The following SLC7A14 variants were observed in gnomAD, a reference collection of about 807,000 sequenced individuals.
SLC7A14 encodes the protein gamma-aminobutyric acid transporter SLC7A14.
In SLC7A14, 37 loss-of-function variants were observed where a neutral mutation model predicts 60.2. That is an observed-to-expected ratio of 0.61 (90% CI 0.47 to 0.81). SLC7A14 has a LOEUF of 0.81. Among genes scored for constraint, SLC7A14 ranks in the 30% least tolerant of loss-of-function variants. The probability of loss-of-function intolerance (pLI) is 0.00; values close to 1 mark genes in which losing one functional copy is unlikely to be tolerated. For synonymous variants in SLC7A14, 399 were observed against 395.8 expected (o/e 1.01, Z -0.10); for missense variants, 886 against 982.7 (o/e 0.90, Z 1.32).
At chr3:170,478,647 C>A (rs1432736442) in intron 7 of SLC7A14, among the ~76,000 whole-genome samples, 1 of 152,174 alleles carries the variant, frequency 6.6e-6, no homozygotes. Context: ...TCTACCCCCT[C>A]CAAGTTTTTT....
In SLC7A14 at chr3:170,572,231, C is replaced by G. The variant is rs186114192; in HGVS notation, c.-153+13680G>C. On this transcript the variant is annotated intron_variant, in intron 1 of 7. Transcript: ENST00000231706. ...TTGTATAAGATCCATTAGGATTGAT[C>G]AGCTTCTGAGAGAATTTTTAAATTG... Among the ~76,000 whole-genome samples, 620 of 152,260 alleles carry G rather than the reference C, an allele frequency of 4.1e-3. 2 individuals are homozygous for G. Among genetic ancestry groups the G allele is most frequent in the Non-Finnish European group, 7.0e-3 (474 of 68,022 alleles).
chr3:170,483,580 G>T, intron 5 of SLC7A14, 58 bp from the exon 6 acceptor site: 1 of 1,584,948 alleles, frequency 6.3e-7, no homozygotes, highest in Non-Finnish European at 8.7e-7. Flanking sequence ...CATGGATAGA[G>T]GCCCCACGGG....
At chr3:170,487,796 T>C (rs1010448252) in intron 4 of SLC7A14, among the ~76,000 whole-genome samples, 2 of 152,182 alleles carry the variant, frequency 1.3e-5, no homozygotes, top group African/African-American at 2.4e-5. Flanking sequence ...CATCTAAAAA[T>C]TTTGCTGGTA....
chr3:170,470,221 G>C (rs935234231), intron 7 of SLC7A14, among the ~76,000 whole-genome samples: 2 of 151,780 alleles, frequency 1.3e-5, no homozygotes, highest in South Asian at 4.2e-4. Flanking sequence ...CCTCCCCCAG[G>C]CTGGTTTACA....
intron 1 of SLC7A14, among the ~76,000 whole-genome samples, chr3:170,528,725 G>A (rs991473706): frequency 2.0e-5 from 3 of 152,186 alleles, no homozygotes; most frequent in African/African-American, 7.2e-5. Context: ...ACACGCCAGA[G>A]ATATTTAACA....
chr3:170,501,331 C>G lies in SLC7A14; in HGVS notation c.319G>C (p.Glu107Gln), dbSNP rs1367135111. The G allele has an allele frequency of 1.2e-6, 2 of 1,614,208 alleles. No individual in the cohort carries two copies. Among genetic ancestry groups the G allele is most frequent in the Non-Finnish European group, 1.7e-6 (2 of 1,180,026 alleles). Residue 107 changes from glutamate to glutamine, a missense_variant, in exon 3 of 8, where the codon GAG (glutamate) becomes CAG (glutamine). Glu to Gln is a conservative substitution (Grantham distance 29, BLOSUM62 2). Transcript: ENST00000231706. ...ASILSGVCYA[E>Q]FGVRVPKTTG... The stretch of plus-strand genomic sequence containing the variant: ...GTCTTGGGGACTCGAACTCCAAACT[C>G]TGCATAGCAGACGCCTGCAAGGGAC...
chr3:170,489,070 C>G (rs1424494101), intron 4 of SLC7A14, among the ~76,000 whole-genome samples: 1 of 152,130 alleles, frequency 6.6e-6, no homozygotes, highest in Non-Finnish European at 1.5e-5. Flanking sequence ...TGAGCAATAC[C>G]CCACAAGCAC....
chr3:170,500,815 G>T (rs962346563), intron 3 of SLC7A14, among the ~76,000 whole-genome samples: 1 of 152,054 alleles, frequency 6.6e-6, no homozygotes, highest in African/African-American at 2.4e-5. Context: ...CATAGTATTT[G>T]TCTGCAATTT....
chr3:170,522,699 T>C (rs1046811468), intron 2 of SLC7A14, among the ~76,000 whole-genome samples: 2 of 152,222 alleles, frequency 1.3e-5, no homozygotes, highest in African/African-American at 4.8e-5. Context: ...GATGGAGCTC[T>C]TCTGCATCTT....
chr3:170,510,392 AAAAAAAAAT>A (rs199814179), intron 2 of SLC7A14, among the ~76,000 whole-genome samples: 1 of 137,482 alleles, frequency 7.3e-6, no homozygotes, highest in Non-Finnish European at 1.5e-5. Context: ...TCTGTCAAAA[AAAAAAAAAT>A]AAATAAATAA....
intron 2 of SLC7A14, among the ~76,000 whole-genome samples, chr3:170,509,090 TCCCTTCAG>T (rs1346761413): frequency 6.6e-6 from 1 of 152,174 alleles, no homozygotes; most frequent in Non-Finnish European, 1.5e-5. Context: ...AGGTGCTCTG[TCCCTTCAG>T]CCTCACTGCT....
chr3:170,515,682 G>T (rs1354420316), intron 2 of SLC7A14, among the ~76,000 whole-genome samples: 1 of 151,952 alleles, frequency 6.6e-6, no homozygotes, highest in Non-Finnish European at 1.5e-5. Flanking sequence ...CCCCTCTCTT[G>T]GTTGTTTTTC....
chr3:170,480,662 A>T lies in SLC7A14; in HGVS notation c.1620T>A (p.His540Gln). The T allele has an allele frequency of 6.2e-7, 1 of 1,614,260 alleles. No individual in the cohort carries two copies. Among genetic ancestry groups the T allele is most frequent in the South Asian group, 1.1e-5 (1 of 91,086 alleles). ...LIKLKKLIGP[H>Q]YYTMRIRLGL... ...CCAGCCGGATTCTCATGGTGTAATA[A>T]TGAGGCCCAATCAGCTTCTTTAACT... Residue 540 changes from histidine to glutamine, a missense_variant, in exon 7 of 8, where the codon CAT (histidine) becomes CAA (glutamine). Coordinates refer to ENST00000231706, the MANE Select transcript of SLC7A14 (RefSeq NM_020949.3).
At chr3:170,517,160 ATAG>A (rs1713185300) in intron 2 of SLC7A14, among the ~76,000 whole-genome samples, 2 of 152,232 alleles carry the variant, frequency 1.3e-5, no homozygotes, top group Non-Finnish European at 2.9e-5. Flanking sequence ...AATAAAACTG[ATAG>A]TAATAATAAT....
chr3:170,473,572 AC>A (rs1183155423), intron 7 of SLC7A14, among the ~76,000 whole-genome samples: 1 of 152,138 alleles, frequency 6.6e-6, no homozygotes, highest in East Asian at 1.9e-4. Flanking sequence ...TTTTATTTTG[AC>A]TACTCTGGGA....
At chr3:170,524,368 A>G (rs1327627978) in intron 2 of SLC7A14, among the ~76,000 whole-genome samples, 1 of 152,228 alleles carries the variant, frequency 6.6e-6, no homozygotes, top group Non-Finnish European at 1.5e-5. Flanking sequence ...TGAGCAGTGG[A>G]AAAGTCTAGA....
In SLC7A14 at chr3:170,495,497, C is replaced by T. The variant is rs1712356611; in HGVS notation, c.759+3170G>A. 5.8e-6 allele frequency: 5 copies of T among 856,912 alleles called. No individual in the cohort carries two copies. In the East Asian group the frequency reaches 1.2e-4, roughly 21 times the overall value. The allele number at this position is 856,912 out of a possible 1,614,324, so 53.1% of individuals were successfully genotyped here. On this transcript the variant is annotated intron_variant, in intron 4 of 7. Coordinates refer to ENST00000231706, the MANE Select transcript of SLC7A14 (RefSeq NM_020949.3). Reference sequence around the variant, plus strand: ...AGGTGTCCACCTCTGGCCCCCAGGCCTTTAGCAGCCGCTTTTACACGAATG... The same window carrying T: ...AGGTGTCCACCTCTGGCCCCCAGGCTTTTAGCAGCCGCTTTTACACGAATG...
rs1259834912 is a variant in SLC7A14 at position 170,483,484 on chromosome 3, G to T, written c.945C>A (p.Thr315=). The T allele has an allele frequency of 2.5e-6, 4 of 1,614,046 alleles. No homozygotes were observed. Among genetic ancestry groups the T allele is most frequent in the East Asian group, 2.2e-5 (1 of 44,884 alleles). ...CCATGAGTGGGGATTCCGTGTCAAT[G>T]GTATAATATGGCACCATCAGAGTTA... ...VILTLMVPYY[T]IDTESPLMEM... The change falls in exon 6 of 8, where the codon ACC becomes ACA. Residue 315 remains threonine (T), a synonymous_variant. Transcript: ENST00000231706.
chr3:170,496,587 A>T, intron 4 of SLC7A14: 1 of 1,595,578 alleles, frequency 6.3e-7, no homozygotes, highest in Non-Finnish European at 8.6e-7. Context: ...GGCCCTGGAC[A>T]TGGAGATCGC....
Sources: allele counts gnomAD v4.1 joint callset (sites outside exome capture counted in the v4.1 genomes callset), GRCh38; gene constraint gnomAD v4.1.1; transcripts MANE v1.5; gene names NCBI Gene and HGNC (gene_info 2026-07-23, HGNC 2026-07-21).